The following PUS7L variants were observed in gnomAD, a reference collection of about 807,000 sequenced individuals.
The protein encoded by PUS7L is pseudouridylate synthase PUS7L.
Under a neutral mutation model 51.1 loss-of-function variants are expected in PUS7L, and 49 were observed. That is an observed-to-expected ratio of 0.96 (90% CI 0.76 to 1.22). The LOEUF (loss-of-function observed/expected upper bound fraction) is 1.22, where lower values mean the gene tolerates loss of function less well. Among genes scored for constraint, PUS7L ranks in the 50% most tolerant of loss-of-function variants. The probability of loss-of-function intolerance (pLI) is 0.00; values close to 1 mark genes in which losing one functional copy is unlikely to be tolerated. For synonymous variants in PUS7L, 277 were observed against 276.2 expected (o/e 1.00, Z -0.03); for missense variants, 828 against 820.6 (o/e 1.01, Z -0.11).
intron 2 of PUS7L, among the ~76,000 whole-genome samples, chr12:43,750,267 T>C (rs546620480): frequency 1.3e-5 from 2 of 152,294 alleles, no homozygotes; most frequent in South Asian, 4.1e-4. Context: ...TAGAATTTAG[T>C]ATAGAAATAT....
At chr12:43,758,665 CCACA>C (rs1170580148) in intron 1 of PUS7L, 61 bp downstream of exon 1, 24,631 of 551,470 alleles carry the variant, frequency 0.045, 468 homozygotes, top group East Asian at 0.078. Context: ...CCCCCCCCCC[CCACA>C]CACACACACA....
intron 7 of PUS7L, among the ~76,000 whole-genome samples, chr12:43,735,948 T>C (rs1227102528): frequency 6.6e-6 from 1 of 152,136 alleles, no homozygotes; most frequent in Admixed American, 6.5e-5. Context: ...GGCTAATTTT[T>C]GTATTTTAGT....
At chr12:43,730,784 G>T in intron 8 of PUS7L, 82 bp from the exon 9 acceptor site, 1 of 874,166 alleles carries the variant, frequency 1.1e-6, no homozygotes, top group Non-Finnish European at 1.8e-6. Context: ...TTTTATGACT[G>T]CGACCTGGAT....
In PUS7L at chr12:43,720,487, A is replaced by C. The variant is rs1293856341; in HGVS notation, c.*9889T>G. On this transcript the variant is annotated 3_prime_UTR_variant, in exon 9 of 9. Transcript: ENST00000344862. Reference sequence around the variant, plus strand: ...TGAGACTCCATCACAAAAAACAAAAAATAAATAAGTGCATCTCTTAATTTC... The same window carrying C: ...TGAGACTCCATCACAAAAAACAAAACATAAATAAGTGCATCTCTTAATTTC... 2 of 152,228 alleles carry C rather than the reference A, an allele frequency of 1.3e-5. No homozygotes were observed. The highest frequency in any genetic ancestry group is 2.9e-5 in the Non-Finnish European group (2 of 68,042). The allele number at this position is 152,228 out of a possible 1,614,324, so 9.4% of individuals were successfully genotyped here.
rs764423758 is a variant in PUS7L, at chr12:43,731,745, GT to G, written c.1738del (p.Thr580LeufsTer31). On this transcript the variant is annotated frameshift_variant, in exon 8 of 9. Coordinates refer to ENST00000344862, the MANE Select transcript of PUS7L (RefSeq NM_031292.5). LOFTEE classifies it low-confidence loss of function (END_TRUNC). ...CATATTAGCTGATCCCTCCTCTTCA[GT>G]TACCAGGTGAATCTAGTTTTAAAAA... ...NFPNSKIHLV[T>X]EEEGSANMYA... The G allele has an allele frequency of 4.9e-5, 77 of 1,576,266 alleles. No homozygotes were observed. Among genetic ancestry groups the G allele is most frequent in the Non-Finnish European group, 6.5e-5 (75 of 1,152,448 alleles).
At position 43,725,065 on chromosome 12, in the gene PUS7L, A is replaced by G. The variant is rs1287556647; in HGVS notation, c.*5311T>C. 6.6e-6 allele frequency: 1 copy of G among 152,220 alleles called. No homozygotes were observed. Among genetic ancestry groups the G allele is most frequent in the Admixed American group, 6.5e-5 (1 of 15,286 alleles). The allele number at this position is 152,220 out of a possible 1,614,324, so 9.4% of individuals were successfully genotyped here. On this transcript the variant is annotated 3_prime_UTR_variant, in exon 9 of 9. Coordinates refer to ENST00000344862, the MANE Select transcript of PUS7L (RefSeq NM_031292.5). ...AATCAGCCAATGTTGATATATGTAA[A>G]TAGTATCAATCAGCTTTCTCCTTCC... is the stretch of plus-strand genomic sequence containing the variant.
chr12:43,731,465 G>A (rs1176232856), intron 8 of PUS7L, among the ~76,000 whole-genome samples: 1 of 152,090 alleles, frequency 6.6e-6, no homozygotes, highest in Non-Finnish European at 1.5e-5. Context: ...AATTTGGAGA[G>A]GGGAGGAAAC....
At chr12:43,742,680 A>G in intron 4 of PUS7L, 125 bp from the exon 5 acceptor site, 1 of 1,310,248 alleles carries the variant, frequency 7.6e-7, no homozygotes, top group Non-Finnish European at 9.7e-7. Context: ...CAGTATACAC[A>G]TAGGGACCAA....
In PUS7L at chr12:43,727,870, C is replaced by G. The variant is rs1159333283; in HGVS notation, c.*2506G>C. ...AAGAAAAAATAAAAATAAAGCAAAA[C>G]TTTGGAAATGGGGCTATAGAAGGTC... On this transcript the variant is annotated 3_prime_UTR_variant, in exon 9 of 9. Coordinates refer to ENST00000344862, the MANE Select transcript of PUS7L (RefSeq NM_031292.5). 1 of 152,008 alleles carries G rather than the reference C, an allele frequency of 6.6e-6. No individual in the cohort carries two copies. Among genetic ancestry groups the G allele is most frequent in the African/African-American group, 2.4e-5 (1 of 41,390 alleles). 9.4% of individuals were successfully genotyped at this position (152,008 alleles called of 1,614,324 possible). A position where few individuals can be genotyped will look rare whatever the true frequency, so the allele number is the denominator to read the frequency against.
chr12:43,748,957 C>T (rs1410997004), intron 2 of PUS7L, among the ~76,000 whole-genome samples: 1 of 152,106 alleles, frequency 6.6e-6, no homozygotes, highest in Non-Finnish European at 1.5e-5. Flanking sequence ...CTCTTGGCCT[C>T]GTGATCCACC....
rs1171208216 is a variant in PUS7L at position 43,746,293 on chromosome 12, T to C, written c.1071-55A>G. On this transcript the variant is annotated intron_variant, in intron 3 of 8. Transcript: ENST00000344862. ...TAAATTTTACATTTAAAAATTACTT[T>C]AAAATAAGGTTTTAAGTGGCAGTTG... 5 of 787,244 alleles carry C rather than the reference T, an allele frequency of 6.4e-6. No individual in the cohort carries two copies. In the Admixed American group the frequency reaches 1.7e-4, roughly 27 times the overall value. 48.8% of individuals were successfully genotyped at this position (787,244 alleles called of 1,614,324 possible). A position where few individuals can be genotyped will look rare whatever the true frequency, so the allele number is the denominator to read the frequency against.
rs1387397971 is a variant in PUS7L, at chr12:43,719,229, T to C, written c.*11147A>G. 1 of 152,050 alleles carries C rather than the reference T, an allele frequency of 6.6e-6. No individual in the cohort carries two copies. The highest frequency in any genetic ancestry group is 1.5e-5 in the Non-Finnish European group (1 of 68,006). 9.4% of individuals were successfully genotyped at this position (152,050 alleles called of 1,614,324 possible). On this transcript the variant is annotated 3_prime_UTR_variant, in exon 9 of 9. Transcript: ENST00000344862. ...AATGTGATTGATCTCAGAAACAGTATTGAGTAAAACAAGGAAGACACAAAC... is the reference window on the plus strand; with the variant it reads ...AATGTGATTGATCTCAGAAACAGTACTGAGTAAAACAAGGAAGACACAAAC...
At chr12:43,758,241 G>T in intron 1 of PUS7L, 1 of 863,996 alleles carries the variant, frequency 1.2e-6, no homozygotes, top group Non-Finnish European at 1.4e-6. Flanking sequence ...AGGGAAACTT[G>T]GGGAGAATGT....
intron 7 of PUS7L, among the ~76,000 whole-genome samples, chr12:43,733,874 A>G (rs941797213): frequency 1.3e-5 from 2 of 152,200 alleles, no homozygotes; most frequent in African/African-American, 4.8e-5. Flanking sequence ...TCTTAGTAAC[A>G]TATGCTGCCT....
intron 2 of PUS7L, among the ~76,000 whole-genome samples, chr12:43,749,116 C>CA (rs1217107895): frequency 6.6e-6 from 1 of 152,154 alleles, no homozygotes; most frequent in East Asian, 1.9e-4. Flanking sequence ...GGCTTACAGG[C>CA]AAAAAATTCC....
intron 2 of PUS7L, 64 bp downstream of exon 2, chr12:43,754,272 A>AT: frequency 8.7e-7 from 1 of 1,147,712 alleles, no homozygotes; most frequent in Non-Finnish European, 1.3e-6. Flanking sequence ...TGTTCAATTC[A>AT]TTTTCACAAT....
Position 43,724,429 on chromosome 12 carries a change from C to T in PUS7L, c.*5947G>A, listed in dbSNP as rs1035813378. ...AGGGAGCATAGTAAAGTAATACTAA[C>T]TGTAATAATACTAGCTGAAATTTAC... On this transcript the variant is annotated 3_prime_UTR_variant, in exon 9 of 9. Coordinates refer to ENST00000344862, the MANE Select transcript of PUS7L (RefSeq NM_031292.5). 2 of 152,008 alleles carry T rather than the reference C, an allele frequency of 1.3e-5. No homozygotes were observed. The highest frequency in any genetic ancestry group is 1.3e-4 in the Admixed American group (2 of 15,252). The allele number at this position is 152,008 out of a possible 1,614,324, so 9.4% of individuals were successfully genotyped here.
At chr12:43,733,024 T>G (rs1036137816) in intron 7 of PUS7L, among the ~76,000 whole-genome samples, 2 of 152,226 alleles carry the variant, frequency 1.3e-5, no homozygotes, top group Non-Finnish European at 2.9e-5. Flanking sequence ...TGGTCAGGTA[T>G]AAAACACCAT....
rs1379345808 is a variant in PUS7L at position 43,720,974 on chromosome 12, T to C, written c.*9402A>G. ...TAACAGTACTTATCCCACATGTAAG[T>C]ACTTGTTGATAAAATATAAAATGCT... On this transcript the variant is annotated 3_prime_UTR_variant, in exon 9 of 9. Coordinates refer to ENST00000344862, the MANE Select transcript of PUS7L (RefSeq NM_031292.5). 2.0e-5 allele frequency: 3 copies of C among 152,210 alleles called. No individual in the cohort carries two copies. The highest frequency in any genetic ancestry group is 7.2e-5 in the African/African-American group (3 of 41,458). The allele number at this position is 152,210 out of a possible 1,614,324, so 9.4% of individuals were successfully genotyped here. A position where few individuals can be genotyped will look rare whatever the true frequency, so the allele number is the denominator to read the frequency against.
Sources: gnomAD v4.1 joint callset for allele counts (sites outside exome capture counted in the v4.1 genomes callset) on GRCh38, gnomAD v4.1.1 for gene constraint, MANE v1.5 for transcripts, NCBI Gene and HGNC (gene_info 2026-07-23, HGNC 2026-07-21) for gene names.